Variants in MPPED2 observed in about 807,000 individuals in gnomAD.
The protein encoded by MPPED2 is metallophosphoesterase MPPED2.
MPPED2 carries 5 observed loss-of-function variants against 33.0 expected under a neutral mutation model. That is an observed-to-expected ratio of 0.15 (90% CI 0.08 to 0.32). MPPED2 has a LOEUF of 0.32. Among genes scored for constraint, MPPED2 ranks in the 10% least tolerant of loss-of-function variants. The pLI is 1.00. For synonymous variants in MPPED2, 136 were observed against 141.9 expected (o/e 0.96, Z 0.29); for missense variants, 275 against 372.1 (o/e 0.74, Z 2.15).
At chr11:30,503,424 T>C (rs892031260) in intron 3 of MPPED2, among the ~76,000 whole-genome samples, 6 of 152,282 alleles carry the variant, frequency 3.9e-5, no homozygotes, top group African/African-American at 1.2e-4. Context: ...ATACTCTTCA[T>C]TCCCCATGAA....
At chr11:30,395,119 A>G (rs1243948476) in intron 6 of MPPED2, among the ~76,000 whole-genome samples, 2 of 152,142 alleles carry the variant, frequency 1.3e-5, no homozygotes, top group African/African-American at 4.8e-5. Flanking sequence ...ATAATTGTTC[A>G]AGTAGCATGA....
chr11:30,440,330 CA>C (rs34148273), intron 4 of MPPED2, among the ~76,000 whole-genome samples: 283 of 122,968 alleles, frequency 2.3e-3, no homozygotes, highest in Middle Eastern at 4.5e-3. Flanking sequence ...ACTCCGTCTC[CA>C]AAAAAAAAAA....
At chr11:30,536,966 C>A (rs1171317600) in intron 2 of MPPED2, among the ~76,000 whole-genome samples, 2 of 152,028 alleles carry the variant, frequency 1.3e-5, no homozygotes, top group African/African-American at 4.8e-5. Context: ...TCTACATATA[C>A]GTTAATATAT....
intron 3 of MPPED2, among the ~76,000 whole-genome samples, chr11:30,499,763 G>A (rs930304155): frequency 6.6e-6 from 1 of 152,182 alleles, no homozygotes; most frequent in African/African-American, 2.4e-5. Context: ...CTTCTTAAAA[G>A]AGGATTCCAT....
intron 6 of MPPED2, among the ~76,000 whole-genome samples, chr11:30,393,776 T>C (rs756589962): frequency 6.6e-6 from 1 of 152,214 alleles, no homozygotes; most frequent in Non-Finnish European, 1.5e-5. Flanking sequence ...TTTTTCAAAA[T>C]ATGTTTAATT....
intron 4 of MPPED2, among the ~76,000 whole-genome samples, chr11:30,488,976 A>G (rs1951854863): frequency 1.3e-5 from 2 of 151,988 alleles, no homozygotes; most frequent in Non-Finnish European, 2.9e-5. Flanking sequence ...GCATAGTCTC[A>G]TTCTTTAGTG....
intron 3 of MPPED2, 60 bp from the exon 4 acceptor site, chr11:30,495,581 G>A: frequency 2.4e-6 from 3 of 1,270,818 alleles, no homozygotes; most frequent in Non-Finnish European, 3.4e-6. Context: ...AAGTACAACA[G>A]CCGAGACTGT....
exon 7 of MPPED2, chr11:30,388,684 C>G: frequency 2.0e-6 from 1 of 508,716 alleles, no homozygotes; most frequent in Non-Finnish European, 3.2e-6. Context: ...TCCAGCAGAG[C>G]CCTCCTCCGC....
intron 4 of MPPED2, among the ~76,000 whole-genome samples, chr11:30,479,979 A>T (rs1289657160): frequency 6.6e-6 from 1 of 152,180 alleles, no homozygotes; most frequent in Non-Finnish European, 1.5e-5. Flanking sequence ...AGTTTATGTC[A>T]GTAGCAGATT....
chr11:30,559,153 C>A (rs1307497528), intron 2 of MPPED2, among the ~76,000 whole-genome samples: 1 of 152,092 alleles, frequency 6.6e-6, no homozygotes, highest in Non-Finnish European at 1.5e-5. Context: ...GAAAAGTATT[C>A]CTTAGAGTCC....
intron 6 of MPPED2, among the ~76,000 whole-genome samples, chr11:30,389,970 C>A (rs896524747): frequency 6.6e-6 from 1 of 152,154 alleles, no homozygotes; most frequent in African/African-American, 2.4e-5. Flanking sequence ...TCTTCATGGG[C>A]CCCAGATCAC....
At chr11:30,527,706 G>A (rs1206320202) in intron 3 of MPPED2, among the ~76,000 whole-genome samples, 7 of 152,126 alleles carry the variant, frequency 4.6e-5, no homozygotes, top group East Asian at 1.9e-4. Flanking sequence ...CTGTGTCACC[G>A]TTTTCTCTGT....
intron 4 of MPPED2, among the ~76,000 whole-genome samples, chr11:30,485,035 C>T (rs912567438): frequency 4.6e-5 from 7 of 152,002 alleles, no homozygotes; most frequent in Non-Finnish European, 7.4e-5. Flanking sequence ...TGTTACCTTT[C>T]GGGGAAAAAA....
chr11:30,387,408 T>C (rs1200938643), exon 7 of MPPED2: 1 of 152,168 alleles, frequency 6.6e-6, no homozygotes, highest in Non-Finnish European at 1.5e-5. Context: ...TGCTTATCAG[T>C]ACTTATTGAT....
chr11:30,568,524 G>T (rs752177162), intron 2 of MPPED2, among the ~76,000 whole-genome samples: 4 of 152,118 alleles, frequency 2.6e-5, no homozygotes, highest in Non-Finnish European at 4.4e-5. Context: ...TGTGAGACCA[G>T]AACTAAAATC....
chr11:30,482,187 G>A (rs1328734279), intron 4 of MPPED2, among the ~76,000 whole-genome samples: 4 of 152,150 alleles, frequency 2.6e-5, no homozygotes, highest in African/African-American at 9.6e-5. Flanking sequence ...ACATTCATAA[G>A]AGAAAATCGC....
intron 3 of MPPED2, among the ~76,000 whole-genome samples, chr11:30,523,309 G>A (rs1565151283): frequency 6.6e-6 from 1 of 152,134 alleles, no homozygotes; most frequent in African/African-American, 2.4e-5. Context: ...AGGCTGGGGG[G>A]AGGTGGGAAA....
intron 3 of MPPED2, among the ~76,000 whole-genome samples, chr11:30,530,653 A>G (rs960437029): frequency 2.2e-4 from 33 of 152,228 alleles, no homozygotes; most frequent in African/African-American, 7.7e-4. Flanking sequence ...GAAACTGGGT[A>G]TGGGCATAAG....
chr11:30,504,930 G>A (rs1952750952), intron 3 of MPPED2: 1 of 572,246 alleles, frequency 1.7e-6, no homozygotes, highest in Non-Finnish European at 3.0e-6. Context: ...AAAGCCCGGT[G>A]GTCCACTGCA....
Sources: gnomAD v4.1 joint callset for allele counts (sites outside exome capture counted in the v4.1 genomes callset) on GRCh38, gnomAD v4.1.1 for gene constraint, MANE v1.5 for transcripts, NCBI Gene and HGNC (gene_info 2026-07-23, HGNC 2026-07-21) for gene names.